Variants in NAV1 observed in about 807,000 individuals in gnomAD.
NAV1 encodes neuron navigator 1.
NAV1 carries 18 observed loss-of-function variants against 175.2 expected under a neutral mutation model. The observed-to-expected ratio is 0.10, with a 90% confidence interval of 0.07 to 0.15. The LOEUF (loss-of-function observed/expected upper bound fraction) is 0.15. Among genes scored for constraint, NAV1 ranks in the 10% least tolerant of loss-of-function variants. The pLI is 1.00. For missense variants in NAV1, 1,731 were observed against 2,436.6 expected (o/e 0.71, Z 6.10); for synonymous variants, 897 against 978.7 (o/e 0.92, Z 1.56).
intron 2 of NAV1, among the ~76,000 whole-genome samples, chr1:201,601,328 A>G (rs1229648521): frequency 6.6e-6 from 1 of 152,180 alleles, no homozygotes; most frequent in Non-Finnish European, 1.5e-5. Context: ...TCACACACAC[A>G]AAAAATTAGC....
At chr1:201,602,800 C>T (rs1225739315) in intron 2 of NAV1, among the ~76,000 whole-genome samples, 2 of 152,044 alleles carry the variant, frequency 1.3e-5, no homozygotes, top group African/African-American at 4.8e-5. Flanking sequence ...AGCTACCCCT[C>T]AGCTCCTACT....
intron 1 of NAV1, among the ~76,000 whole-genome samples, chr1:201,653,994 T>C (rs1382245896): frequency 6.6e-6 from 1 of 152,226 alleles, no homozygotes; most frequent in Non-Finnish European, 1.5e-5. Context: ...ACCCAGGTCA[T>C]GTTCCTCTCC....
intron 1 of NAV1, among the ~76,000 whole-genome samples, chr1:201,567,419 G>C (rs543579491): frequency 6.6e-6 from 1 of 152,360 alleles, no homozygotes; most frequent in East Asian, 1.9e-4. Context: ...GTGCTCAAGA[G>C]GCTTGAGAGC....
At chr1:201,599,926 A>G (rs1386231098) in intron 2 of NAV1, among the ~76,000 whole-genome samples, 5 of 152,212 alleles carry the variant, frequency 3.3e-5, no homozygotes. Context: ...TTTCTCTGCT[A>G]TTTATTATGA....
chr1:201,609,762 C>T (rs1429687851), intron 2 of NAV1, among the ~76,000 whole-genome samples: 1 of 152,122 alleles, frequency 6.6e-6, no homozygotes, highest in African/African-American at 2.4e-5. Context: ...CCTCCCTATT[C>T]AGCAGCTCCA....
intron 2 of NAV1, among the ~76,000 whole-genome samples, chr1:201,633,015 A>G (rs1227484494): frequency 6.6e-6 from 1 of 152,202 alleles, no homozygotes; most frequent in Non-Finnish European, 1.5e-5. Flanking sequence ...TTCAAACCAA[A>G]TCCAAGTATT....
chr1:201,635,291 C>G (rs140458096), intron 2 of NAV1, among the ~76,000 whole-genome samples: 2 of 152,060 alleles, frequency 1.3e-5, no homozygotes, highest in African/African-American at 2.4e-5. Context: ...GCGATCTGCC[C>G]GCCTCAGCCT....
intron 3 of NAV1, among the ~76,000 whole-genome samples, chr1:201,779,227 A>G (rs1445058241): frequency 1.3e-5 from 2 of 152,216 alleles, no homozygotes; most frequent in Non-Finnish European, 2.9e-5. Context: ...GAGGAAATTA[A>G]TATAAATGGT....
At chr1:201,649,311 G>T in exon 1 of NAV1, 1 of 1,612,824 alleles carries the variant, frequency 6.2e-7, no homozygotes, top group Non-Finnish European at 8.5e-7. Flanking sequence ...AAAGAGCTCT[G>T]GGCCTGTCCC....
At chr1:201,700,930 G>A (rs1671392167) in intron 1 of NAV1, among the ~76,000 whole-genome samples, 1 of 133,200 alleles carries the variant, frequency 7.5e-6, no homozygotes, top group African/African-American at 2.8e-5. Flanking sequence ...AGAATGATGT[G>A]AACCCGGGAG....
chr1:201,617,206 G>GTC (rs3054501), intron 2 of NAV1, among the ~76,000 whole-genome samples: 8,191 of 138,106 alleles, frequency 0.059, 251 homozygotes, highest in Admixed American at 0.13. Context: ...CAATCTCTCT[G>GTC]TCTCTCTCTC....
At chr1:201,635,719 A>G (rs1470504478) in intron 2 of NAV1, among the ~76,000 whole-genome samples, 1 of 151,946 alleles carries the variant, frequency 6.6e-6, no homozygotes, top group African/African-American at 2.4e-5. Context: ...CCCAATACCT[A>G]CCTGTCCTTG....
exon 30 of NAV1, chr1:201,823,769 A>G (rs1679519645): frequency 6.6e-6 from 1 of 152,232 alleles, no homozygotes; most frequent in Non-Finnish European, 1.5e-5. Context: ...TTGCAAGACT[A>G]AGTGTACCTA....
intron 28 of NAV1, among the ~76,000 whole-genome samples, chr1:201,815,863 C>G (rs556298140): frequency 6.6e-6 from 1 of 152,204 alleles, no homozygotes; most frequent in South Asian, 2.1e-4. Flanking sequence ...CTCAGCCTCC[C>G]AAGTAGCTGG....
At chr1:201,689,890 C>G (rs1353135557) in intron 1 of NAV1, among the ~76,000 whole-genome samples, 2 of 152,190 alleles carry the variant, frequency 1.3e-5, no homozygotes, top group Non-Finnish European at 2.9e-5. Flanking sequence ...CTGTCTGTGG[C>G]AGAGTGCTGG....
chr1:201,733,498 A>G (rs1672957576), intron 3 of NAV1: 1 of 152,170 alleles, frequency 6.6e-6, no homozygotes, highest in African/African-American at 2.4e-5. Context: ...GAAGCCTTCT[A>G]TATTTAAAAT....
At chr1:201,682,431 A>G (rs1198875546) in intron 1 of NAV1, among the ~76,000 whole-genome samples, 3 of 152,168 alleles carry the variant, frequency 2.0e-5, no homozygotes, top group East Asian at 3.9e-4. Flanking sequence ...TTTTTTCTCC[A>G]TTTGTCTGAC....
chr1:201,619,015 A>G (rs1668080014), upstream of NAV1, among the ~76,000 whole-genome samples: 1 of 152,090 alleles, frequency 6.6e-6, no homozygotes. Flanking sequence ...CCTGGGGGCA[A>G]TCCTGTGTGC....
At chr1:201,640,652 C>G (rs1217721565) in intron 2 of NAV1, among the ~76,000 whole-genome samples, 1 of 152,232 alleles carries the variant, frequency 6.6e-6, no homozygotes, top group South Asian at 2.1e-4. Context: ...CAAGGGTCTA[C>G]TGGCCTCACT....
Sources: gnomAD v4.1 joint callset for allele counts (sites outside exome capture counted in the v4.1 genomes callset) on GRCh38, gnomAD v4.1.1 for gene constraint, MANE v1.5 for transcripts, NCBI Gene and HGNC (gene_info 2026-07-23, HGNC 2026-07-21) for gene names.